The following PLAC8 variants were observed in gnomAD, a reference collection of about 807,000 sequenced individuals.
The protein encoded by PLAC8 is placenta associated 8.
PLAC8 carries 6 observed loss-of-function variants against 12.6 expected under a neutral mutation model. That is an observed-to-expected ratio of 0.48 (90% CI 0.26 to 0.94). The LOEUF (loss-of-function observed/expected upper bound fraction) is 0.94, where lower values mean the gene tolerates loss of function less well. Among genes scored for constraint, PLAC8 ranks in the 40% least tolerant of loss-of-function variants. PLAC8 has a pLI of 0.14. For synonymous variants in PLAC8, 54 were observed against 52.6 expected, an observed-to-expected ratio of 1.03 and a Z score of -0.11; for missense variants, 122 against 152.7, an observed-to-expected ratio of 0.80 and a Z score of 1.06.
At chr4:83,092,125 G>A (rs1731820232) in intron 4 of PLAC8, among the ~76,000 whole-genome samples, 1 of 152,088 alleles carries the variant, frequency 6.6e-6, no homozygotes, top group African/African-American at 2.4e-5. Context: ...AGTTGATGAG[G>A]AGGAGTCAGG....
intron 1 of PLAC8, chr4:83,109,774 G>C (rs1225352211): frequency 6.6e-6 from 1 of 152,500 alleles, no homozygotes; most frequent in Non-Finnish European, 1.5e-5. Flanking sequence ...AGCGGCAGCT[G>C]CGCGCGGGGC....
chr4:83,092,021 T>C (rs1013288515), intron 4 of PLAC8, among the ~76,000 whole-genome samples: 6 of 152,158 alleles, frequency 3.9e-5, no homozygotes, highest in South Asian at 4.1e-4. Flanking sequence ...ACGTAAATCA[T>C]GTTGTTATTC....
intron 2 of PLAC8, among the ~76,000 whole-genome samples, chr4:83,107,363 G>A (rs78754180): frequency 0.014 from 2,056 of 152,078 alleles, 47 homozygotes; most frequent in African/African-American, 0.047. Context: ...TGGAAACCAT[G>A]AATCTAACCC....
chr4:83,104,457 G>A (rs1186068819), intron 3 of PLAC8, among the ~76,000 whole-genome samples: 1 of 152,168 alleles, frequency 6.6e-6, no homozygotes, highest in African/African-American at 2.4e-5. Flanking sequence ...AATGGAAAGT[G>A]TATGAATGGA....
chr4:83,103,566 C>T (rs948342181), intron 3 of PLAC8, among the ~76,000 whole-genome samples: 3 of 152,142 alleles, frequency 2.0e-5, no homozygotes, highest in Non-Finnish European at 4.4e-5. Flanking sequence ...GAAAGAAGTT[C>T]TATTGTAGGT....
rs1211747154 is a variant in PLAC8 at position 83,112,218 on chromosome 4, GTA to G, written c.-30+2446_-30+2447del. Among the ~76,000 whole-genome samples the G allele has an allele frequency of 0.02, 185 of 9,166 alleles. 3 individuals are homozygous for G. In the East Asian group the frequency reaches 0.29, roughly 14 times the overall value. 6.0% of individuals were successfully genotyped at this position (9,166 alleles called of 152,430 possible). On this transcript the variant is annotated intron_variant, in intron 1 of 4. Transcript: ENST00000311507. ...TATATATATATGTATATATATATAT[GTA>G]TATATATATATATATATGTATCAGC...
intron 3 of PLAC8, among the ~76,000 whole-genome samples, chr4:83,097,886 G>A (rs1267034998): frequency 7.1e-6 from 1 of 141,408 alleles, no homozygotes; most frequent in East Asian, 2.1e-4. Flanking sequence ...TTGAGATGGA[G>A]TCTCGCTCTG....
chr4:83,109,334 T>C (rs900617213), intron 1 of PLAC8, among the ~76,000 whole-genome samples: 13 of 152,352 alleles, frequency 8.5e-5, no homozygotes, highest in South Asian at 2.1e-4. Flanking sequence ...TGGCTTCTGT[T>C]TGATTTTTTT....
intron 1 of PLAC8, among the ~76,000 whole-genome samples, chr4:83,108,372 C>T (rs1197514519): frequency 8.5e-5 from 13 of 152,130 alleles, no homozygotes; most frequent in Non-Finnish European, 1.6e-4. Flanking sequence ...GCCGACGGAT[C>T]ATTTGAGGTC....
At chr4:83,095,610 G>A (rs887572626) in intron 3 of PLAC8, among the ~76,000 whole-genome samples, 4 of 152,120 alleles carry the variant, frequency 2.6e-5, no homozygotes, top group African/African-American at 7.2e-5. Flanking sequence ...TGTGTAGTGC[G>A]GGAGGAGGAG....
chr4:83,093,397 A>C (rs1200842843), intron 4 of PLAC8: 1 of 152,124 alleles, frequency 6.6e-6, no homozygotes, highest in Non-Finnish European at 1.5e-5. Flanking sequence ...CTCTCTCCTT[A>C]AGGATTCAGG....
Position 83,113,001 on chromosome 4 carries a change from C to T in PLAC8, c.-30+1665G>A, listed in dbSNP as rs78719084. 8.9e-3 allele frequency among the ~76,000 whole-genome samples: 1,348 copies of T among 152,278 alleles called. 21 individuals carry two copies. Among genetic ancestry groups the T allele is most frequent in the African/African-American group, 0.03 (1,248 of 41,548 alleles). ...TAAAACCACTTGGACTGCTCTTTAA[C>T]GTGTAGATTTCTAGACACTGCTCAG... On this transcript the variant is annotated intron_variant, in intron 1 of 4. Transcript: ENST00000311507.
intron 3 of PLAC8, among the ~76,000 whole-genome samples, chr4:83,101,638 G>A (rs1732104930): frequency 1.3e-5 from 2 of 152,192 alleles, no homozygotes; most frequent in Admixed American, 6.5e-5. Flanking sequence ...ATGCCATCAA[G>A]GAAATTCAAA....
At chr4:83,101,526 G>C (rs1168245146) in intron 3 of PLAC8, among the ~76,000 whole-genome samples, 1 of 152,238 alleles carries the variant, frequency 6.6e-6, no homozygotes, top group Non-Finnish European at 1.5e-5. Context: ...GATGGAGAAG[G>C]TGTGGCAAGT....
At chr4:83,097,117 C>T (rs1731957209) in intron 3 of PLAC8, among the ~76,000 whole-genome samples, 1 of 152,016 alleles carries the variant, frequency 6.6e-6, no homozygotes, top group African/African-American at 2.4e-5. Context: ...GCATGCTGTC[C>T]CAGCTCTATT....
chr4:83,110,796 C>T lies in PLAC8; in HGVS notation c.-29-2846G>A, dbSNP rs557644162. On this transcript the variant is annotated intron_variant, in intron 1 of 4. Coordinates refer to ENST00000311507, the MANE Select transcript of PLAC8 (RefSeq NM_016619.3). ...TCGAAACCATATTTTTGGGTGATGG[C>T]TTCCCACATTTGAAATCCTGGAGGA... 8.9e-4 allele frequency among the ~76,000 whole-genome samples: 136 copies of T among 152,318 alleles called. 1 individual carries two copies. Among genetic ancestry groups the T allele is most frequent in the African/African-American group, 3.2e-3 (133 of 41,584 alleles).
At chr4:83,096,461 AAC>A (rs1179181804) in intron 3 of PLAC8, among the ~76,000 whole-genome samples, 2 of 152,242 alleles carry the variant, frequency 1.3e-5, no homozygotes, top group Non-Finnish European at 2.9e-5. Flanking sequence ...TAAAAATTAA[AAC>A]AATTTTAAAT....
At chr4:83,114,439 C>CT (rs1732487062) in intron 1 of PLAC8, among the ~76,000 whole-genome samples, 1 of 152,146 alleles carries the variant, frequency 6.6e-6, no homozygotes, top group Non-Finnish European at 1.5e-5. Flanking sequence ...GGATCTTACA[C>CT]TACTTTGAAA....
chr4:83,100,976 G>C (rs1330131558), intron 3 of PLAC8, among the ~76,000 whole-genome samples: 1 of 152,162 alleles, frequency 6.6e-6, no homozygotes, highest in Non-Finnish European at 1.5e-5. Context: ...GAGAAAGTTT[G>C]AGTGGTCTGG....
Sources: gnomAD v4.1 joint callset for allele counts (sites outside exome capture counted in the v4.1 genomes callset) on GRCh38, gnomAD v4.1.1 for gene constraint, MANE v1.5 for transcripts, NCBI Gene and HGNC (gene_info 2026-07-23, HGNC 2026-07-21) for gene names.